Variants in NEK11 observed in about 807,000 individuals in gnomAD.
NEK11 encodes serine/threonine-protein kinase Nek11.
NEK11 carries 72 observed loss-of-function variants against 80.7 expected under a neutral mutation model. The observed-to-expected ratio is 0.89, with a 90% confidence interval of 0.74 to 1.08. NEK11 has a LOEUF of 1.08. NEK11 is among the 50% of genes least tolerant of loss of function. The pLI, the probability that NEK11 is intolerant of heterozygous loss-of-function variation, is 0.00. For synonymous variants in NEK11, 251 were observed against 260.7 expected, an observed-to-expected ratio of 0.96 and a Z score of 0.36; for missense variants, 764 against 763.6, an observed-to-expected ratio of 1.00 and a Z score of -0.01.
intron 7 of NEK11, among the ~76,000 whole-genome samples, chr3:131,147,339 A>G (rs2088592108): frequency 1.3e-5 from 2 of 152,016 alleles, no homozygotes; most frequent in African/African-American, 4.8e-5. Flanking sequence ...TTCCTCTACC[A>G]TGCAGTGGTT....
intron 3 of NEK11, among the ~76,000 whole-genome samples, chr3:131,074,577 A>G (rs2074020357): frequency 6.6e-6 from 1 of 152,194 alleles, no homozygotes; most frequent in Non-Finnish European, 1.5e-5. Context: ...ATGCTGATTA[A>G]CTTTCATAGC....
At chr3:131,205,929 A>AT (rs2094430084) in intron 14 of NEK11, among the ~76,000 whole-genome samples, 1 of 152,176 alleles carries the variant, frequency 6.6e-6, no homozygotes, top group African/African-American at 2.4e-5. Context: ...GGCTTTAAAC[A>AT]TTTTTTAAAG....
Position 131,318,192 on chromosome 3 carries a change from G to A in NEK11, c.1719-31365G>A, listed in dbSNP as rs1452535858. ...AAGAGGTGGGAAGGGAGATAGGGAA[G>A]GAGGGAGAAAAACCTACTTCAGTTG... On this transcript the variant is annotated intron_variant, in intron 17 of 17. Coordinates refer to ENST00000383366, the MANE Select transcript of NEK11 (RefSeq NM_024800.5). Among the ~76,000 whole-genome samples, 5 of 152,190 alleles carry A rather than the reference G, an allele frequency of 3.3e-5. No individual in the cohort carries two copies. The East Asian group carries it at 9.6e-4, about 29-fold the overall frequency.
intron 14 of NEK11, among the ~76,000 whole-genome samples, chr3:131,199,126 A>G (rs895229999): frequency 2.6e-5 from 4 of 152,202 alleles, no homozygotes; most frequent in East Asian, 1.9e-4. Context: ...CAAAATTTCT[A>G]TATAGCAAAA....
At position 131,191,329 on chromosome 3, in the gene NEK11, A is replaced by G. The variant is rs565795461; in HGVS notation, c.1399+20442A>G. Among the ~76,000 whole-genome samples the G allele has an allele frequency of 2.4e-4, 37 of 152,262 alleles. 1 individual carries two copies. The South Asian group carries it at 7.7e-3, about 32-fold the overall frequency. On this transcript the variant is annotated intron_variant, in intron 14 of 17. Transcript: ENST00000383366. ...TGTCACTGGCCTGCATTCCTTCTGG[A>G]GGCTCTAGTGACCTTGCTGTTTCCA...
At chr3:131,237,258 C>T (rs182794081) in intron 15 of NEK11, among the ~76,000 whole-genome samples, 68 of 152,156 alleles carry the variant, frequency 4.5e-4, no homozygotes, top group African/African-American at 1.6e-3. Flanking sequence ...ATCACTTGAG[C>T]CCAAGAGGTT....
At chr3:131,174,407 G>A (rs1258333287) in intron 14 of NEK11, among the ~76,000 whole-genome samples, 3 of 152,048 alleles carry the variant, frequency 2.0e-5, no homozygotes, top group Non-Finnish European at 4.4e-5. Context: ...TTTTTTATTT[G>A]GCATGTATAT....
chr3:131,281,318 A>G (rs981652465), intron 17 of NEK11, among the ~76,000 whole-genome samples: 2 of 152,218 alleles, frequency 1.3e-5, no homozygotes, highest in Admixed American at 1.3e-4. Flanking sequence ...ATTTAAAAAT[A>G]TATTCAGATA....
intron 3 of NEK11, among the ~76,000 whole-genome samples, chr3:131,064,196 T>C (rs2071446476): frequency 6.6e-6 from 1 of 152,094 alleles, no homozygotes; most frequent in Non-Finnish European, 1.5e-5. Context: ...TGCTGATGGA[T>C]AAGGGATTTC....
At chr3:131,310,624 G>T (rs769505294) in intron 17 of NEK11, among the ~76,000 whole-genome samples, 2 of 152,094 alleles carry the variant, frequency 1.3e-5, no homozygotes, top group East Asian at 1.9e-4. Context: ...AGTGAAAAGC[G>T]ATGTCAGAGG....
intron 5 of NEK11, among the ~76,000 whole-genome samples, chr3:131,127,549 G>C (rs1217009788): frequency 6.6e-6 from 1 of 151,484 alleles, no homozygotes; most frequent in Non-Finnish European, 1.5e-5. Flanking sequence ...CATTGTGTCA[G>C]TTATTTTCTT....
At chr3:131,175,126 T>G in intron 14 of NEK11, 2 of 1,032,026 alleles carry the variant, frequency 1.9e-6, no homozygotes, top group Non-Finnish European at 2.3e-6. Context: ...TGATTTGAAC[T>G]TTGCTAATTA....
intron 17 of NEK11, among the ~76,000 whole-genome samples, chr3:131,278,677 G>A (rs1432632113): frequency 6.6e-6 from 1 of 152,164 alleles, no homozygotes; most frequent in East Asian, 1.9e-4. Flanking sequence ...TCAGCTCTGA[G>A]GAGGGCAAGG....
At chr3:131,253,295 G>A (rs750788547) in intron 16 of NEK11, among the ~76,000 whole-genome samples, 9 of 151,966 alleles carry the variant, frequency 5.9e-5, no homozygotes, top group African/African-American at 9.7e-5. Context: ...TTTACAAAAC[G>A]CTAAATTCCC....
chr3:131,108,588 A>G (rs1241198927), intron 4 of NEK11, among the ~76,000 whole-genome samples: 1 of 152,154 alleles, frequency 6.6e-6, no homozygotes, highest in Non-Finnish European at 1.5e-5. Context: ...ATAGCAATTG[A>G]AATACATCAG....
At chr3:131,080,363 T>A (rs2075065164) in intron 3 of NEK11, 60 bp from the exon 4 acceptor site, 3 of 1,268,614 alleles carry the variant, frequency 2.4e-6, no homozygotes, top group South Asian at 2.8e-5. Flanking sequence ...TACCACTTGA[T>A]GATATTTGTT....
intron 14 of NEK11, among the ~76,000 whole-genome samples, chr3:131,228,114 A>G (rs1227568650): frequency 6.6e-6 from 1 of 152,132 alleles, no homozygotes; most frequent in Non-Finnish European, 1.5e-5. Flanking sequence ...ATGCTGTGGT[A>G]GTTTTGCTCC....
intron 3 of NEK11, among the ~76,000 whole-genome samples, chr3:131,031,512 G>T (rs2064843009): frequency 6.6e-6 from 1 of 152,146 alleles, no homozygotes; most frequent in African/African-American, 2.4e-5. Flanking sequence ...AAAATTTTAA[G>T]ATAATTCACA....
Position 131,211,825 on chromosome 3 carries a change from G to A in NEK11, c.1400-16703G>A, listed in dbSNP as rs2176175. ...CCATGGTTTTCATCTCCCTCAGGCCGTTTAATGTCTTCTCTACACTGTTTA... is the reference window on the plus strand; with the variant it reads ...CCATGGTTTTCATCTCCCTCAGGCCATTTAATGTCTTCTCTACACTGTTTA... On this transcript the variant is annotated intron_variant, in intron 14 of 17. Transcript: ENST00000383366. 2.2e-3 allele frequency among the ~76,000 whole-genome samples: 332 copies of A among 152,016 alleles called. 4 individuals are homozygous for A. The highest frequency in any genetic ancestry group is 7.5e-3 in the African/African-American group (310 of 41,442).
Sources: allele counts gnomAD v4.1 joint callset (sites outside exome capture counted in the v4.1 genomes callset), GRCh38; gene constraint gnomAD v4.1.1; transcripts MANE v1.5; gene names NCBI Gene and HGNC (gene_info 2026-07-23, HGNC 2026-07-21).